The following ARHGAP29 variants were observed in gnomAD, a reference collection of about 807,000 sequenced individuals.
ARHGAP29 encodes the protein rho GTPase-activating protein 29.
Under a neutral mutation model 122.6 loss-of-function variants are expected in ARHGAP29, and 43 were observed. The ratio of observed to expected loss-of-function variants is 0.35; its 90% confidence interval spans 0.27 to 0.45. The LOEUF is 0.45. ARHGAP29 is among the 20% of genes least tolerant of loss of function. ARHGAP29 has a pLI of 1.00. For missense variants in ARHGAP29, 1,303 were observed against 1,477.2 expected (o/e 0.88, Z 1.93); for synonymous variants, 506 against 497.1 (o/e 1.02, Z -0.24).
At chr1:94,243,657 C>T (rs1479276951) in intron 1 of ARHGAP29, among the ~76,000 whole-genome samples, 2 of 151,724 alleles carry the variant, frequency 1.3e-5, no homozygotes, top group Non-Finnish European at 2.9e-5. Context: ...GCAAATTATA[C>T]CCAAAGTAAG....
At chr1:94,281,605 G>A in the ARHGAP29 span, among the ~76,000 whole-genome samples, 10 of 152,266 alleles carry the variant, frequency 6.6e-5, 1 homozygote, top group East Asian at 1.9e-3. Context: ...ACACATAATA[G>A]CGTTATCACT....
chr1:94,308,651 C>A, the ARHGAP29 span, among the ~76,000 whole-genome samples: 1 of 152,264 alleles, frequency 6.6e-6, no homozygotes, highest in South Asian at 2.1e-4. Flanking sequence ...TCCTCCTGAT[C>A]TCACCTCTTA....
intron 1 of ARHGAP29, among the ~76,000 whole-genome samples, chr1:94,232,949 A>C (rs77883247): frequency 1.5e-5 from 2 of 131,834 alleles, no homozygotes; most frequent in East Asian, 2.2e-4. Context: ...TTTTTTTTGG[A>C]GGGGGGAAGG....
At chr1:94,252,436 T>G (rs1472115587) in intron 1 of ARHGAP29, among the ~76,000 whole-genome samples, 1 of 152,188 alleles carries the variant, frequency 6.6e-6, no homozygotes, top group African/African-American at 2.4e-5. Context: ...TAAAGGATAG[T>G]TACAGTGTCG....
At chr1:94,263,941 T>C (rs1161844984) in intron 1 of ARHGAP29, among the ~76,000 whole-genome samples, 1 of 152,202 alleles carries the variant, frequency 6.6e-6, no homozygotes, top group Non-Finnish European at 1.5e-5. Flanking sequence ...ATTGAGTGCT[T>C]GTATTGTTCC....
At chr1:94,266,342 C>T (rs993082354) in intron 1 of ARHGAP29, among the ~76,000 whole-genome samples, 1 of 152,154 alleles carries the variant, frequency 6.6e-6, no homozygotes, top group Non-Finnish European at 1.5e-5. Flanking sequence ...CTCCTGGGGC[C>T]CGTGCTAGTC....
intron 14 of ARHGAP29, 68 bp from the exon 15 acceptor site, chr1:94,189,009 C>T: frequency 6.8e-7 from 1 of 1,476,600 alleles, no homozygotes; most frequent in South Asian, 1.2e-5. Context: ...TACTGACATT[C>T]TATCAAGTGA....
rs147145668 is a variant in ARHGAP29 at position 94,259,534 on chromosome 1, C to T, written c.-33+15478G>A. ...GGGACTTAATCCAGTGACTGTTGTC[C>T]GTACAAGAAGAGAAAACAGAGACAC... On this transcript the variant is annotated intron_variant and NMD_transcript_variant, in intron 1 of 25. Coordinates refer to the ARHGAP29 transcript ENST00000552844. 6.2e-3 allele frequency among the ~76,000 whole-genome samples: 946 copies of T among 152,078 alleles called. 15 individuals are homozygous for T. Among genetic ancestry groups the T allele is most frequent in the African/African-American group, 0.022 (909 of 41,478 alleles).
chr1:94,174,332 G>A lies in ARHGAP29; in HGVS notation c.3323C>T (p.Thr1108Ile). ...GTCCCCACTAATCTGGAGGCTTGTTGTCACTCCTTTTTCCTGGAGTGCACT... is the reference window on the plus strand; with the variant it reads ...GTCCCCACTAATCTGGAGGCTTGTTATCACTCCTTTTTCCTGGAGTGCACT... ...MPSALQEKGV[T>I]TSLQISGDHS... Residue 1108 changes from threonine to isoleucine, a missense_variant, in exon 23 of 23, where the codon ACA becomes ATA. Transcript: ENST00000260526. The A allele has an allele frequency of 1.2e-6, 2 of 1,614,196 alleles. No individual in the cohort carries two copies. Among genetic ancestry groups the A allele is most frequent in the Non-Finnish European group, 1.7e-6 (2 of 1,180,054 alleles).
At chr1:94,190,663 G>A (rs1034409823) in intron 12 of ARHGAP29, 5 of 152,136 alleles carry the variant, frequency 3.3e-5, no homozygotes, top group African/African-American at 1.2e-4. Context: ...CAGCTGACAA[G>A]TGTGTACAAT....
At chr1:94,282,472 GAGA>G in the ARHGAP29 span, among the ~76,000 whole-genome samples, 108 of 151,904 alleles carry the variant, frequency 7.1e-4, no homozygotes, top group African/African-American at 2.6e-3. Flanking sequence ...TTTTTGTAGA[GAGA>G]AGGTTTTGCC....
intron 1 of ARHGAP29, among the ~76,000 whole-genome samples, chr1:94,267,445 C>T (rs1383315414): frequency 1.3e-5 from 2 of 152,298 alleles, no homozygotes; most frequent in Non-Finnish European, 2.9e-5. Flanking sequence ...TTCTTTCTCT[C>T]ACTCAGTTTT....
At chr1:94,306,326 C>T in the ARHGAP29 span, among the ~76,000 whole-genome samples, 1 of 152,176 alleles carries the variant, frequency 6.6e-6, no homozygotes, top group Non-Finnish European at 1.5e-5. Context: ...GCTGGATTCG[C>T]AGAGAGAGAA....
At chr1:94,305,577 G>A in the ARHGAP29 span, among the ~76,000 whole-genome samples, 3 of 152,204 alleles carry the variant, frequency 2.0e-5, no homozygotes, top group Non-Finnish European at 4.4e-5. Flanking sequence ...GGATGAACAA[G>A]ACTATTTATT....
At position 94,209,343 on chromosome 1, in the gene ARHGAP29, G is replaced by A. The variant is rs752193113; in HGVS notation, c.348C>T (p.Asn116=). ...EMLTAKVKAV[N]FTEVNEENKN... is the part of the protein sequence containing the mutation. ...TGTTTTCTTCATTAACTTCTGTGAA[G>A]TTCACAGCTGTAAGGAAAAGTTGGT... Residue 116 remains asparagine (N), a synonymous_variant, in exon 4 of 23, where the codon AAC becomes AAT. Coordinates refer to ENST00000260526, the MANE Select transcript of ARHGAP29 (RefSeq NM_004815.4). The A allele has an allele frequency of 1.3e-6, 2 of 1,599,442 alleles. No individual in the cohort carries two copies. The highest frequency in any genetic ancestry group is 1.1e-5 in the South Asian group (1 of 88,862).
At chr1:94,199,653 C>T (rs774623192) in intron 12 of ARHGAP29, among the ~76,000 whole-genome samples, 4 of 152,140 alleles carry the variant, frequency 2.6e-5, no homozygotes, top group Non-Finnish European at 4.4e-5. Flanking sequence ...TACCAAACAA[C>T]GGGAGACCAT....
At chr1:94,290,904 T>C in the ARHGAP29 span, among the ~76,000 whole-genome samples, 1 of 152,224 alleles carries the variant, frequency 6.6e-6, no homozygotes, top group East Asian at 1.9e-4. Flanking sequence ...TTCTGCTGAT[T>C]TGGGGTGGAG....
chr1:94,285,799 C>G, the ARHGAP29 span, among the ~76,000 whole-genome samples: 1 of 147,908 alleles, frequency 6.8e-6, no homozygotes, highest in Non-Finnish European at 1.5e-5. Context: ...CACTTGAACC[C>G]GGGAGGCGGA....
At chr1:94,183,613 T>A (rs796492664) in intron 19 of ARHGAP29, among the ~76,000 whole-genome samples, 1 of 152,182 alleles carries the variant, frequency 6.6e-6, no homozygotes, top group Non-Finnish European at 1.5e-5. Flanking sequence ...CCAGGACTCA[T>A]TCATCATCTT....
Sources: gnomAD v4.1 joint callset for allele counts (sites outside exome capture counted in the v4.1 genomes callset) on GRCh38, gnomAD v4.1.1 for gene constraint, MANE v1.5 for transcripts, NCBI Gene and HGNC (gene_info 2026-07-23, HGNC 2026-07-21) for gene names.